The following LRP1B variants were observed in gnomAD, a reference collection of about 807,000 sequenced individuals.
LRP1B encodes the protein low-density lipoprotein receptor-related protein 1B.
A neutral mutation model predicts 556.6 loss-of-function variants in LRP1B; 217 were observed. That is an observed-to-expected ratio of 0.39 (90% CI 0.35 to 0.44). The LOEUF (loss-of-function observed/expected upper bound fraction) is 0.44, where lower values mean the gene tolerates loss of function less well. Ranked by LOEUF, LRP1B falls within the 20% of genes least tolerant of loss-of-function variation. The probability of loss-of-function intolerance (pLI) is 1.00; values close to 1 mark genes in which losing one functional copy is unlikely to be tolerated. For missense variants in LRP1B, 5,053 were observed against 5,620.8 expected (o/e 0.90, Z 3.23); for synonymous variants, 2,047 against 1,865.8 (o/e 1.10, Z -2.50).
At chr2:140,842,878 G>A (rs1248022872) in intron 29 of LRP1B, among the ~76,000 whole-genome samples, 2 of 152,030 alleles carry the variant, frequency 1.3e-5, no homozygotes, top group South Asian at 2.1e-4. Flanking sequence ...ATAACACAGA[G>A]GATTGTTATG....
intron 2 of LRP1B, among the ~76,000 whole-genome samples, chr2:141,620,368 A>T (rs558327569): frequency 6.6e-6 from 1 of 152,270 alleles, no homozygotes; most frequent in Non-Finnish European, 1.5e-5. Flanking sequence ...AAACCATTAC[A>T]TAGCTTTGAT....
intron 2 of LRP1B, among the ~76,000 whole-genome samples, chr2:141,544,328 C>CTTCTTCTTCTTCTTCTTCTTCTTCTTCTT (rs1685421353): frequency 4.1e-4 from 15 of 36,978 alleles, no homozygotes; most frequent in South Asian, 2.6e-3. Flanking sequence ...TCTTCTTCTT[C>CTTCTTCTTCTTCTTCTTCTTCTTCTTCTT]TTCTTCTTCT....
At chr2:141,962,936 T>G (rs932261686) in intron 1 of LRP1B, among the ~76,000 whole-genome samples, 3 of 151,858 alleles carry the variant, frequency 2.0e-5, no homozygotes, top group Non-Finnish European at 2.9e-5. Context: ...GGACCTGGAA[T>G]AGCATCCTGT....
intron 2 of LRP1B, among the ~76,000 whole-genome samples, chr2:141,639,349 T>TATAC (rs1262198983): frequency 2.5e-4 from 14 of 56,092 alleles, no homozygotes; most frequent in African/African-American, 9.4e-4. Context: ...TATATATATA[T>TATAC]ACACACACAC....
At chr2:140,876,888 G>C (rs1693325692) in intron 25 of LRP1B, among the ~76,000 whole-genome samples, 1 of 152,104 alleles carries the variant, frequency 6.6e-6, no homozygotes, top group African/African-American at 2.4e-5. Flanking sequence ...TTTGTCTTTA[G>C]TGAAAATGGG....
chr2:141,551,596 C>A (rs1306568670), intron 2 of LRP1B, among the ~76,000 whole-genome samples: 1 of 151,936 alleles, frequency 6.6e-6, no homozygotes, highest in Non-Finnish European at 1.5e-5. Context: ...TCTGTATTAC[C>A]TTCCTTGGAA....
intron 6 of LRP1B, among the ~76,000 whole-genome samples, chr2:141,205,109 A>G (rs1682214818): frequency 6.6e-6 from 1 of 152,178 alleles, no homozygotes; most frequent in African/African-American, 2.4e-5. Flanking sequence ...AAGACAAAAT[A>G]TCAATATTAT....
In LRP1B at chr2:141,059,005, G is replaced by T. The variant is rs1268961311; in HGVS notation, c.1286C>A (p.Thr429Asn). The stretch of plus-strand genomic sequence containing the variant: ...TACGATATTGTAGTTATCAGAATTG[G>T]TTGCATACAAATAATCTTCAAACAC... ...ITVFEDYLYATNSDNYNIVRI... is the reference protein window; with the variant it reads ...ITVFEDYLYANNSDNYNIVRI... The change falls in exon 9 of 91, where the codon ACC (threonine) becomes AAC (asparagine). Residue 429 changes from threonine (T) to asparagine (N), a missense_variant. This residue lies in a region of LRP1B where 3,619 missense variants were observed against 3,931.9 expected (regional missense o/e 0.92). Coordinates refer to ENST00000389484, the MANE Select transcript of LRP1B (RefSeq NM_018557.3). The T allele has an allele frequency of 6.3e-7, 1 of 1,588,964 alleles. No homozygotes were observed. The highest frequency in any genetic ancestry group is 8.6e-7 in the Non-Finnish European group (1 of 1,166,112).
At chr2:140,541,174 C>T (rs556509624) in intron 44 of LRP1B, 76 bp from the exon 45 acceptor site, 8 of 1,239,808 alleles carry the variant, frequency 6.5e-6, no homozygotes, top group East Asian at 4.8e-5. Context: ...TAATCGTAAA[C>T]TATTAGACTG....
At chr2:141,311,116 T>C (rs1377195296) in intron 3 of LRP1B, among the ~76,000 whole-genome samples, 2 of 152,226 alleles carry the variant, frequency 1.3e-5, no homozygotes, top group Non-Finnish European at 2.9e-5. Context: ...TCATATTGTT[T>C]AAGTCCATCT....
chr2:140,807,621 G>T (rs1249288997), intron 32 of LRP1B, among the ~76,000 whole-genome samples: 4 of 151,540 alleles, frequency 2.6e-5, no homozygotes, highest in Non-Finnish European at 4.4e-5. Context: ...AAAGTGCTGG[G>T]ATTACAGATG....
intron 2 of LRP1B, among the ~76,000 whole-genome samples, chr2:141,618,264 G>A (rs1266170960): frequency 6.6e-6 from 1 of 152,088 alleles, no homozygotes; most frequent in Non-Finnish European, 1.5e-5. Flanking sequence ...AAAGGCAACT[G>A]AGAATCCTAG....
At chr2:140,928,508 T>C (rs1694953215) in intron 20 of LRP1B, among the ~76,000 whole-genome samples, 1 of 151,940 alleles carries the variant, frequency 6.6e-6, no homozygotes, top group Non-Finnish European at 1.5e-5. Flanking sequence ...GAAATGAGGG[T>C]TCTGGATGGC....
intron 11 of LRP1B, among the ~76,000 whole-genome samples, chr2:141,037,276 A>G (rs1698560958): frequency 6.6e-6 from 1 of 152,084 alleles, no homozygotes; most frequent in African/African-American, 2.4e-5. Context: ...ACCCAAATCC[A>G]GCCTATTTGA....
chr2:141,917,970 T>C (rs1415991541), intron 1 of LRP1B, among the ~76,000 whole-genome samples: 1 of 152,104 alleles, frequency 6.6e-6, no homozygotes, highest in African/African-American at 2.4e-5. Flanking sequence ...ATCCTAATTC[T>C]ACCTAGGCAA....
intron 2 of LRP1B, among the ~76,000 whole-genome samples, chr2:141,698,988 G>C (rs1691838826): frequency 6.6e-6 from 1 of 151,858 alleles, no homozygotes; most frequent in Non-Finnish European, 1.5e-5. Context: ...AACAGAGTTA[G>C]CTACTCTTAT....
At chr2:141,908,478 A>G (rs1699819961) in intron 1 of LRP1B, among the ~76,000 whole-genome samples, 1 of 152,050 alleles carries the variant, frequency 6.6e-6, no homozygotes, top group African/African-American at 2.4e-5. Flanking sequence ...AACAGAGAAA[A>G]ACCATATGAT....
chr2:141,202,606 C>T (rs1270473849), intron 6 of LRP1B, among the ~76,000 whole-genome samples: 1 of 151,800 alleles, frequency 6.6e-6, no homozygotes, highest in East Asian at 1.9e-4. Context: ...TTAATAATAG[C>T]CATTCTGACT....
intron 20 of LRP1B, among the ~76,000 whole-genome samples, chr2:140,932,246 G>A (rs944318717): frequency 6.6e-6 from 1 of 151,976 alleles, no homozygotes; most frequent in South Asian, 2.1e-4. Context: ...TATAATATAT[G>A]GGTGTAGGAT....
Sources: allele counts gnomAD v4.1 joint callset (sites outside exome capture counted in the v4.1 genomes callset), GRCh38; gene constraint gnomAD v4.1.1; regional missense constraint gnomAD v4.1.1; transcripts MANE v1.5; gene names NCBI Gene and HGNC (gene_info 2026-07-23, HGNC 2026-07-21).